Variants in DHRSX observed in about 807,000 individuals in gnomAD.
DHRSX encodes the protein dehydrogenase/reductase X-linked.
Under a neutral mutation model 34.0 loss-of-function variants are expected in DHRSX, and 31 were observed. The ratio of observed to expected loss-of-function variants is 0.91; its 90% CI spans 0.69 to 1.23. The LOEUF (loss-of-function observed/expected upper bound fraction) is 1.23, where lower values mean the gene tolerates loss of function less well. DHRSX is among the 50% of genes most tolerant of loss of function. The probability of loss-of-function intolerance (pLI) is 0.00; values close to 1 mark genes in which losing one functional copy is unlikely to be tolerated. For synonymous variants in DHRSX, 201 were observed against 183.8 expected (o/e 1.09, Z -0.76); for missense variants, 414 against 428.1 (o/e 0.97, Z 0.29).
chrX:2,404,102 C>G (rs1384956731), intron 3 of DHRSX, among the ~76,000 whole-genome samples: 1 of 152,070 alleles, frequency 6.6e-6, no homozygotes. Context: ...TCTTTGGGCT[C>G]CAGATTGATG....
chrX:2,441,887 A>G (rs1311717839), intron 1 of DHRSX, among the ~76,000 whole-genome samples: 1 of 152,068 alleles, frequency 6.6e-6, no homozygotes, highest in Non-Finnish European at 1.5e-5. Flanking sequence ...CCTGGCCAAC[A>G]TGGTGAAACT....
intron 1 of DHRSX, among the ~76,000 whole-genome samples, chrX:2,439,266 G>C (rs187470702): frequency 6.6e-6 from 1 of 151,956 alleles, no homozygotes; most frequent in Non-Finnish European, 1.5e-5. Context: ...ACTGATCTAC[G>C]AGAATTGGAC....
At chrX:2,457,572 G>A (rs2044320418) in intron 1 of DHRSX, among the ~76,000 whole-genome samples, 1 of 152,050 alleles carries the variant, frequency 6.6e-6, no homozygotes, top group African/African-American at 2.4e-5. Context: ...CGTTCCCTAA[G>A]CCTGTGGCTA....
chrX:2,224,581 G>A (rs2015593976), intron 6 of DHRSX, among the ~76,000 whole-genome samples: 1 of 152,074 alleles, frequency 6.6e-6, no homozygotes, highest in African/African-American at 2.4e-5. Flanking sequence ...AAGTTCTATT[G>A]GATGATTTTT....
At chrX:2,335,389 G>C in intron 3 of DHRSX, among the ~76,000 whole-genome samples, 1 of 151,924 alleles carries the variant, frequency 6.6e-6, no homozygotes. Context: ...TCGAAGTGGG[G>C]AGGGGGCTTC....
intron 6 of DHRSX, among the ~76,000 whole-genome samples, chrX:2,239,387 A>G (rs2016087481): frequency 6.8e-6 from 1 of 146,344 alleles, no homozygotes; most frequent in Admixed American, 7.0e-5. Context: ...CTGGGCGAAC[A>G]GCAAGATGCC....
chrX:2,387,168 A>G (rs2043282069), intron 3 of DHRSX, among the ~76,000 whole-genome samples: 1 of 152,138 alleles, frequency 6.6e-6, no homozygotes, highest in South Asian at 2.1e-4. Flanking sequence ...CTTTAAAAGG[A>G]CAGTTTTTGA....
intron 6 of DHRSX, among the ~76,000 whole-genome samples, chrX:2,233,799 AAGAT>A (rs1569477679): frequency 6.6e-6 from 1 of 152,110 alleles, no homozygotes; most frequent in Non-Finnish European, 1.5e-5. Context: ...CACAAAATAG[AAGAT>A]AGAGTTTCAA....
intron 3 of DHRSX, among the ~76,000 whole-genome samples, chrX:2,325,837 G>A (rs771394601): frequency 3.2e-5 from 3 of 95,072 alleles, no homozygotes; most frequent in African/African-American, 1.4e-4. Flanking sequence ...TCTCTATAGA[G>A]AAAACCATTT....
intron 1 of DHRSX, among the ~76,000 whole-genome samples, chrX:2,479,018 G>T (rs2044726798): frequency 6.6e-6 from 1 of 151,468 alleles, no homozygotes; most frequent in Admixed American, 6.6e-5. Flanking sequence ...TGTACACACT[G>T]AAGTCATTCC....
chrX:2,341,523 G>C (rs1026985017), intron 3 of DHRSX, among the ~76,000 whole-genome samples: 44 of 152,088 alleles, frequency 2.9e-4, no homozygotes, highest in African/African-American at 9.9e-4. Context: ...TCTCTTACAA[G>C]GACACCTGTC....
At chrX:2,346,748 T>C (rs751650349) in intron 3 of DHRSX, among the ~76,000 whole-genome samples, 42 of 152,046 alleles carry the variant, frequency 2.8e-4, no homozygotes, top group South Asian at 8.3e-4. Flanking sequence ...TTGCTGCACC[T>C]ATCAACCCGT....
intron 5 of DHRSX, among the ~76,000 whole-genome samples, chrX:2,251,565 C>A (rs1602801325): frequency 6.6e-6 from 1 of 152,266 alleles, no homozygotes; most frequent in East Asian, 1.9e-4. Flanking sequence ...CTGGACACAG[C>A]AGTAGGGCGG....
At chrX:2,370,468 G>C (rs2043044082) in intron 3 of DHRSX, among the ~76,000 whole-genome samples, 1 of 151,990 alleles carries the variant, frequency 6.6e-6, no homozygotes, top group South Asian at 2.1e-4. Flanking sequence ...ACCGCGCCCA[G>C]CTGAGGGCTT....
intron 1 of DHRSX, among the ~76,000 whole-genome samples, chrX:2,480,946 G>GA (rs1569505562): frequency 6.6e-6 from 1 of 152,074 alleles, no homozygotes; most frequent in African/African-American, 2.4e-5. Context: ...ACTAAAAGTA[G>GA]ATTTTACACA....
intron 3 of DHRSX, among the ~76,000 whole-genome samples, chrX:2,338,320 GAGACTCT>G (rs2042596062): frequency 1.3e-5 from 2 of 151,520 alleles, no homozygotes; most frequent in Non-Finnish European, 2.9e-5. Context: ...GCAACAGAGC[GAGACTCT>G]GTTTCAAAAA....
intron 3 of DHRSX, among the ~76,000 whole-genome samples, chrX:2,301,065 T>C (rs2042002966): frequency 6.6e-6 from 1 of 152,240 alleles, no homozygotes; most frequent in Non-Finnish European, 1.5e-5. Context: ...GTCTGCAGAA[T>C]GCAGCCAAAA....
At chrX:2,464,894 C>T (rs948813762) in intron 1 of DHRSX, among the ~76,000 whole-genome samples, 25 of 151,382 alleles carry the variant, frequency 1.7e-4, no homozygotes, top group Non-Finnish European at 2.5e-4. Flanking sequence ...GGACTGATAC[C>T]ATGTGCACAA....
chrX:2,226,771 G>C (rs112679093), intron 6 of DHRSX, among the ~76,000 whole-genome samples: 1 of 151,774 alleles, frequency 6.6e-6, no homozygotes. Flanking sequence ...CTCCAGCCTG[G>C]GCGACAGAGC....
Sources: allele counts gnomAD v4.1 joint callset (sites outside exome capture counted in the v4.1 genomes callset), GRCh38; gene constraint gnomAD v4.1.1; transcripts MANE v1.5; gene names NCBI Gene and HGNC (gene_info 2026-07-23, HGNC 2026-07-21).